Variants in GLTP observed in about 807,000 individuals in gnomAD.
The protein encoded by GLTP is glycolipid transfer protein.
In GLTP, 22 loss-of-function variants were observed where a neutral mutation model predicts 24.0. The ratio of observed to expected loss-of-function variants is 0.92; its 90% CI spans 0.65 to 1.31. The LOEUF is 1.31. Ranked by LOEUF, GLTP falls within the 50% of genes most tolerant of loss-of-function variation. The probability of loss-of-function intolerance (pLI) is 0.00; values close to 1 mark genes in which losing one functional copy is unlikely to be tolerated. For synonymous variants in GLTP, 92 were observed against 115.9 expected (o/e 0.79, Z 1.33); for missense variants, 224 against 276.6 (o/e 0.81, Z 1.35).
At chr12:109,858,651 C>A in intron 2 of GLTP, 32 bp downstream of exon 2, 1 of 1,572,986 alleles carries the variant, frequency 6.4e-7, no homozygotes, top group African/African-American at 1.3e-5. Flanking sequence ...TAACGCAAGT[C>A]TTGGGCTGTG....
intron 2 of GLTP, chr12:109,858,283 G>A (rs758723260): frequency 4.4e-6 from 2 of 454,998 alleles, no homozygotes; most frequent in African/African-American, 4.0e-5. Flanking sequence ...CCCTTGGCTG[G>A]GCCCTAGGTG....
Position 109,855,873 on chromosome 12 carries a change from G to T in GLTP, c.297-104C>A, listed in dbSNP as rs3782893. 7.9e-6 allele frequency: 7 copies of T among 889,530 alleles called. No homozygotes were observed. The highest frequency in any genetic ancestry group is 3.5e-5 in the African/African-American group (2 of 57,648). The allele number at this position is 889,530 out of a possible 1,614,324, so 55.1% of individuals were successfully genotyped here. ...CCACCTACTGTGAGCCAGGAACATG[G>T]GCGCCCCAGAGGGAGTGGTTATTCC... On this transcript the variant is annotated intron_variant, in intron 3 of 4. Transcript: ENST00000318348. This position sits in a 1 kb window ranked among gnomAD's most constrained non-coding sequence, Gnocchi z 4.1.
intron 1 of GLTP, among the ~76,000 whole-genome samples, chr12:109,867,891 C>T (rs1868581408): frequency 6.6e-6 from 1 of 152,066 alleles, no homozygotes. Context: ...CATTCTCCTG[C>T]CTCAGCTTCC....
Position 109,851,141 on chromosome 12 carries a change from T to G in GLTP, c.*1414A>C, listed in dbSNP as rs187778234. The G allele has an allele frequency of 6.6e-6, 1 of 152,612 alleles. No homozygotes were observed. Among genetic ancestry groups the G allele is most frequent in the East Asian group, 1.9e-4 (1 of 5,196 alleles). 9.5% of individuals were successfully genotyped at this position (152,612 alleles called of 1,614,324 possible). A position where few individuals can be genotyped will look rare whatever the true frequency, so the allele number is the denominator to read the frequency against. On this transcript the variant is annotated 3_prime_UTR_variant, in exon 5 of 5. Transcript: ENST00000318348. ...GTTAAGGTTAAGGCAGTGAGGCGTTTTCTTGGATCTTAGCAGCTGAAGGGT... is the reference window on the plus strand; with the variant it reads ...GTTAAGGTTAAGGCAGTGAGGCGTTGTCTTGGATCTTAGCAGCTGAAGGGT...
intron 1 of GLTP, among the ~76,000 whole-genome samples, chr12:109,878,015 T>G (rs1477550715): frequency 2.0e-5 from 3 of 152,186 alleles, no homozygotes; most frequent in African/African-American, 7.2e-5. Context: ...TAACCCATTG[T>G]GGACCAACCC....
chr12:109,874,035 C>T (rs538165430), intron 1 of GLTP, among the ~76,000 whole-genome samples: 1 of 152,340 alleles, frequency 6.6e-6, no homozygotes, highest in East Asian at 1.9e-4. Context: ...ACCATGGTGC[C>T]AGCAGAACCA....
chr12:109,879,776 G>A (rs1299625679), intron 1 of GLTP, among the ~76,000 whole-genome samples: 2 of 152,154 alleles, frequency 1.3e-5, no homozygotes, highest in African/African-American at 4.8e-5. Flanking sequence ...GAAGAAGGAA[G>A]GGTTTGTAGG....
intron 1 of GLTP, among the ~76,000 whole-genome samples, chr12:109,870,235 G>GC (rs1312608796): frequency 6.6e-6 from 1 of 152,174 alleles, no homozygotes; most frequent in Non-Finnish European, 1.5e-5. Flanking sequence ...GGAGGCTGTA[G>GC]CGGACAAATC....
Position 109,880,229 on chromosome 12 carries a change from C to T in GLTP, c.103+43G>A. ...GCTCGGGGGAAGGAGGATTCGGGTG[C>T]GCGTGGGGCTGCGGGCCGCCTCCCC... is the stretch of plus-strand genomic sequence containing the variant. On this transcript the variant is annotated intron_variant, in intron 1 of 4. Coordinates refer to ENST00000318348, the MANE Select transcript of GLTP (RefSeq NM_016433.4). The surrounding 1 kb of genome is among the most constrained non-coding windows in gnomAD (Gnocchi z 5.1). 2.6e-6 allele frequency: 3 copies of T among 1,167,264 alleles called. No homozygotes were observed. Among genetic ancestry groups the T allele is most frequent in the South Asian group, 1.3e-5 (1 of 78,818 alleles). The allele number at this position is 1,167,264 out of a possible 1,614,324, so 72.3% of individuals were successfully genotyped here.
rs1247017401 is a variant in GLTP, at chr12:109,857,920, G to A, written c.163-261C>T. ...ATCCCATTTTACAGGCAGAGACACT[G>A]AGGCTCACAGAGGAGCACGGACTTG... On this transcript the variant is annotated intron_variant, in intron 2 of 4. Coordinates refer to ENST00000318348, the MANE Select transcript of GLTP (RefSeq NM_016433.4). This position sits in a 1 kb window ranked among gnomAD's most constrained non-coding sequence, Gnocchi z 4.3. 3 of 503,022 alleles carry A rather than the reference G, an allele frequency of 6.0e-6. No homozygotes were observed. The highest frequency in any genetic ancestry group is 1.9e-5 in the African/African-American group (1 of 51,608). The allele number at this position is 503,022 out of a possible 1,614,324, so 31.2% of individuals were successfully genotyped here.
chr12:109,858,636 AT>A, intron 2 of GLTP, 46 bp downstream of exon 2: 1 of 1,439,912 alleles, frequency 6.9e-7, no homozygotes, highest in Non-Finnish European at 9.8e-7. Context: ...GTGGGCTTAG[AT>A]TCCTAACGCA....
intron 1 of GLTP, among the ~76,000 whole-genome samples, chr12:109,874,886 A>T (rs955273909): frequency 1.3e-5 from 2 of 152,122 alleles, no homozygotes; most frequent in Non-Finnish European, 2.9e-5. Context: ...CAGCCTCCCG[A>T]GTAGTTGGGA....
At chr12:109,874,639 G>T (rs183436281) in intron 1 of GLTP, among the ~76,000 whole-genome samples, 1 of 152,138 alleles carries the variant, frequency 6.6e-6, no homozygotes, top group African/African-American at 2.4e-5. Flanking sequence ...TAAAGATGCC[G>T]AGGCTGTGTT....
Position 109,858,668 on chromosome 12 carries a change from C to T in GLTP, c.162+15G>A, listed in dbSNP as rs200730113. ...ACGCAAGTCTTGGGCTGTGGCTGCC[C>T]GGCCAGGTACATACCGTGATGTTGC... On this transcript the variant is annotated intron_variant, in intron 2 of 4. Transcript: ENST00000318348. 80 of 1,605,882 alleles carry T rather than the reference C, an allele frequency of 5.0e-5. No individual in the cohort carries two copies. The South Asian group carries it at 7.3e-4, about 15-fold the overall frequency.
chr12:109,862,389 T>TTC (rs139903864), intron 1 of GLTP, among the ~76,000 whole-genome samples: 1,889 of 152,246 alleles, frequency 0.012, 19 homozygotes, highest in South Asian at 0.024. Flanking sequence ...GGACCGTGCA[T>TTC]TCTCAACTTA....
chr12:109,862,356 C>T (rs535156871), intron 1 of GLTP, among the ~76,000 whole-genome samples: 1 of 152,302 alleles, frequency 6.6e-6, no homozygotes, highest in African/African-American at 2.4e-5. Context: ...TCTTCCAGCA[C>T]TGCTACTGCT....
Position 109,855,545 on chromosome 12 carries a change from C to T in GLTP, c.447+74G>A, listed in dbSNP as rs939281544. 2.1e-5 allele frequency: 29 copies of T among 1,375,156 alleles called. No individual in the cohort carries two copies. The highest frequency in any genetic ancestry group is 2.9e-5 in the South Asian group (2 of 69,000). The allele number at this position is 1,375,156 out of a possible 1,614,324, so 85.2% of individuals were successfully genotyped here. On this transcript the variant is annotated intron_variant, in intron 4 of 4. Transcript: ENST00000318348. The surrounding 1 kb of genome is among the most constrained non-coding windows in gnomAD (Gnocchi z 4.1). The stretch of plus-strand genomic sequence containing the variant: ...CACAGCCTCACAGGCCAGGAGGCCT[C>T]GGCTAAGCAGGGGCAGAGTGGGGAG...
chr12:109,852,322 C>A lies in GLTP; in HGVS notation c.*233G>T. ...AGTCAGTCTGTGCTGTCGTGAAATT[C>A]CAAGGAGATTTGGAAGTAAGATCAT... On this transcript the variant is annotated 3_prime_UTR_variant, in exon 5 of 5. Transcript: ENST00000318348. 1 of 424,722 alleles carries A rather than the reference C, an allele frequency of 2.4e-6. No homozygotes were observed. The highest frequency in any genetic ancestry group is 3.8e-5 in the East Asian group (1 of 26,622). 26.3% of individuals were successfully genotyped at this position (424,722 alleles called of 1,614,324 possible).
intron 2 of GLTP, 120 bp downstream of exon 2, chr12:109,858,563 T>G: frequency 2.7e-6 from 2 of 750,812 alleles, no homozygotes; most frequent in Non-Finnish European, 4.8e-6. Context: ...CCATCTTCCA[T>G]GTCTCCATTC....
Sources: gnomAD v4.1 joint callset for allele counts (sites outside exome capture counted in the v4.1 genomes callset) on GRCh38, gnomAD v4.1.1 for gene constraint, Gnocchi (gnomAD v3.1) non-coding constraint, MANE v1.5 for transcripts, NCBI Gene and HGNC (gene_info 2026-07-23, HGNC 2026-07-21) for gene names.